LRRC4C: variants seen among roughly 807,000 people sequenced by gnomAD.
LRRC4C encodes the protein leucine-rich repeat-containing protein 4C.
Under a neutral mutation model 33.6 loss-of-function variants are expected in LRRC4C, and 5 were observed. That is an observed-to-expected ratio of 0.15 (90% CI 0.08 to 0.31). LRRC4C has a LOEUF of 0.31. Ranked by LOEUF, LRRC4C falls within the 10% of genes least tolerant of loss-of-function variation. LRRC4C has a pLI of 1.00. For missense variants in LRRC4C, 560 were observed against 796.7 expected, an observed-to-expected ratio of 0.70 and a Z score of 3.58; for synonymous variants, 329 against 302.0, an observed-to-expected ratio of 1.09 and a Z score of -0.93.
Position 41,228,423 on chromosome 11 carries a change from A to G in LRRC4C, c.-496+231008T>C, listed in dbSNP as rs566119042. On this transcript the variant is annotated intron_variant, in intron 1 of 6. Transcript: ENST00000528697. The stretch of plus-strand genomic sequence containing the variant: ...AACAATTATTTTCCATCCACTCTTT[A>G]AAGTTTCATTCTGTTGGGGCATCTG... Among the ~76,000 whole-genome samples the G allele has an allele frequency of 1.2e-4, 19 of 152,204 alleles. No homozygotes were observed. In the South Asian group the frequency reaches 3.5e-3, roughly 28 times the overall value.
chr11:40,141,398 C>T (rs926935655), intron 5 of LRRC4C, among the ~76,000 whole-genome samples: 1 of 152,088 alleles, frequency 6.6e-6, no homozygotes, highest in Admixed American at 6.6e-5. Context: ...GTGGCACTGA[C>T]AGAATAAAAA....
intron 2 of LRRC4C, among the ~76,000 whole-genome samples, chr11:40,848,688 C>T (rs1591878454): frequency 6.6e-6 from 1 of 152,084 alleles, no homozygotes; most frequent in East Asian, 1.9e-4. Context: ...AGTTTAAGTC[C>T]TGGATATCCT....
intron 2 of LRRC4C, among the ~76,000 whole-genome samples, chr11:40,754,898 T>C (rs1273759398): frequency 6.6e-6 from 1 of 152,250 alleles, no homozygotes; most frequent in East Asian, 1.9e-4. Flanking sequence ...GTTTACATTT[T>C]TGTGGTATAT....
intron 3 of LRRC4C, among the ~76,000 whole-genome samples, chr11:40,450,791 A>G (rs1014198813): frequency 6.6e-6 from 1 of 150,972 alleles, no homozygotes; most frequent in Admixed American, 6.6e-5. Flanking sequence ...AAAAAAAAAA[A>G]GAACTGCGCA....
intron 1 of LRRC4C, among the ~76,000 whole-genome samples, chr11:41,086,633 T>C (rs1940007611): frequency 6.6e-6 from 1 of 152,162 alleles, no homozygotes; most frequent in South Asian, 2.1e-4. Flanking sequence ...AGTTTTAAAT[T>C]TCTTTTCTTT....
At chr11:40,919,147 A>G (rs990226590) in intron 2 of LRRC4C, among the ~76,000 whole-genome samples, 4 of 152,114 alleles carry the variant, frequency 2.6e-5, no homozygotes, top group Non-Finnish European at 5.9e-5. Flanking sequence ...ATGGCCCTGT[A>G]TGTTCAGTCT....
chr11:40,732,112 C>T (rs77277692), intron 2 of LRRC4C, among the ~76,000 whole-genome samples: 3,665 of 151,820 alleles, frequency 0.024, 156 homozygotes, highest in African/African-American at 0.083. Context: ...TCTATAATTG[C>T]GTTTCTTCTG....
intron 1 of LRRC4C, among the ~76,000 whole-genome samples, chr11:40,951,457 G>T (rs1429917194): frequency 1.3e-5 from 2 of 151,892 alleles, no homozygotes; most frequent in Non-Finnish European, 2.9e-5. Flanking sequence ...AAGATAGTGA[G>T]GACTTAAACA....
chr11:41,330,612 G>A (rs578086970), intron 1 of LRRC4C, among the ~76,000 whole-genome samples: 65 of 152,022 alleles, frequency 4.3e-4, no homozygotes, highest in African/African-American at 2.7e-4. Flanking sequence ...CCAGTCTGTC[G>A]CCCAGACTGG....
intron 1 of LRRC4C, among the ~76,000 whole-genome samples, chr11:41,173,010 T>C (rs1479087857): frequency 6.6e-6 from 1 of 152,152 alleles, no homozygotes; most frequent in East Asian, 1.9e-4. Context: ...AGAAACTAGA[T>C]ATTTGGAATC....
chr11:40,904,584 G>T (rs1956339130), intron 2 of LRRC4C, among the ~76,000 whole-genome samples: 1 of 152,070 alleles, frequency 6.6e-6, no homozygotes, highest in Non-Finnish European at 1.5e-5. Flanking sequence ...TTATAATTCT[G>T]GGGGAGTGGC....
At chr11:40,177,663 T>G (rs1860621014) in intron 5 of LRRC4C, among the ~76,000 whole-genome samples, 1 of 152,180 alleles carries the variant, frequency 6.6e-6, no homozygotes, top group South Asian at 2.1e-4. Context: ...CGTTCAAAAT[T>G]TTATACTTTA....
At chr11:41,019,740 G>A (rs753987749) in intron 1 of LRRC4C, among the ~76,000 whole-genome samples, 16 of 152,252 alleles carry the variant, frequency 1.1e-4, no homozygotes, top group South Asian at 2.1e-4. Context: ...GTATCTCACT[G>A]TGGTTTTGAT....
intron 2 of LRRC4C, among the ~76,000 whole-genome samples, chr11:40,925,123 T>TTCTCTCTC (rs56945447): frequency 0.029 from 4,282 of 149,502 alleles, 88 homozygotes; most frequent in Non-Finnish European, 0.039. Flanking sequence ...CCCCAAATAT[T>TTCTCTCTC]TCTCTCTCTC....
At chr11:40,420,980 T>C (rs1950504531) in intron 3 of LRRC4C, among the ~76,000 whole-genome samples, 1 of 152,198 alleles carries the variant, frequency 6.6e-6, no homozygotes, top group South Asian at 2.1e-4. Flanking sequence ...TAATCAAGCA[T>C]TTAAATATGC....
intron 1 of LRRC4C, among the ~76,000 whole-genome samples, chr11:41,271,089 T>C (rs1031282903): frequency 6.6e-6 from 1 of 152,120 alleles, no homozygotes; most frequent in Non-Finnish European, 1.5e-5. Context: ...TAATGTTACC[T>C]TCACAGGTAC....
chr11:40,475,542 A>G (rs1054748134), intron 3 of LRRC4C, among the ~76,000 whole-genome samples: 1 of 152,078 alleles, frequency 6.6e-6, no homozygotes, highest in African/African-American at 2.4e-5. Context: ...TGGCAAGTGT[A>G]TACCTCTGTA....
intron 2 of LRRC4C, among the ~76,000 whole-genome samples, chr11:40,674,911 A>T (rs1430187972): frequency 6.6e-6 from 1 of 152,152 alleles, no homozygotes; most frequent in East Asian, 1.9e-4. Context: ...CATATGCCCA[A>T]ATTTGCACAG....
At position 41,293,703 on chromosome 11, in the gene LRRC4C, T is replaced by C. The variant is rs551092188; in HGVS notation, c.-496+165728A>G. Among the ~76,000 whole-genome samples, 5 of 152,238 alleles carry C rather than the reference T, an allele frequency of 3.3e-5. No individual in the cohort carries two copies. In the East Asian group the frequency reaches 9.7e-4, roughly 29 times the overall value. ...AACTCTGCCTCCTGGGTTCAAGTGA[T>C]TCTCCTGCCTCAGCCTCCCGAGTAG... On this transcript the variant is annotated intron_variant, in intron 1 of 6. Transcript: ENST00000528697.
Sources: allele counts gnomAD v4.1 joint callset (sites outside exome capture counted in the v4.1 genomes callset), GRCh38; gene constraint gnomAD v4.1.1; transcripts MANE v1.5; gene names NCBI Gene and HGNC (gene_info 2026-07-23, HGNC 2026-07-21).